NT5C2: variants seen among roughly 807,000 people sequenced by gnomAD.
The protein encoded by NT5C2 is 5'-nucleotidase, cytosolic II.
A neutral mutation model predicts 76.1 loss-of-function variants in NT5C2; 58 were observed. That is an observed-to-expected ratio of 0.76 (90% CI 0.62 to 0.95). The LOEUF (loss-of-function observed/expected upper bound fraction) is 0.95. Among genes scored for constraint, NT5C2 ranks in the 40% least tolerant of loss-of-function variants. The probability of loss-of-function intolerance (pLI) is 0.00; values close to 1 mark genes in which losing one functional copy is unlikely to be tolerated. For missense variants in NT5C2, 478 were observed against 690.3 expected (o/e 0.69, Z 3.45); for synonymous variants, 229 against 237.4 (o/e 0.96, Z 0.32).
At position 103,089,802 on chromosome 10, in the gene NT5C2, T is replaced by C; in HGVS notation, c.1556A>G (p.Tyr519Cys). The change falls in exon 19 of 19, where the codon TAC (tyrosine) becomes TGC (cysteine). Residue 519 changes from tyrosine to cysteine, a missense_variant. Coordinates refer to ENST00000404739, the MANE Select transcript of NT5C2 (RefSeq NM_001351169.2). Reference sequence around the variant, plus strand: ...TGACCGTGTCAGCTGGTGCCGCTTGTAGTCAGTGTCTTTGAAATCCACTGA... The same window carrying C: ...TGACCGTGTCAGCTGGTGCCGCTTGCAGTCAGTGTCTTTGAAATCCACTGA... ...RTSVDFKDTDYKRHQLTRSIS... is the reference protein window; with the variant it reads ...RTSVDFKDTDCKRHQLTRSIS... 1.2e-6 allele frequency: 2 copies of C among 1,614,110 alleles called. No individual in the cohort carries two copies. The highest frequency in any genetic ancestry group is 1.7e-6 in the Non-Finnish European group (2 of 1,179,998).
In NT5C2 at chr10:103,110,488, G is replaced by A. The variant is rs116074967; in HGVS notation, c.176-3782C>T. 1.1e-3 allele frequency among the ~76,000 whole-genome samples: 170 copies of A among 152,184 alleles called. 1 individual carries two copies. The highest frequency in any genetic ancestry group is 3.8e-3 in the African/African-American group (156 of 41,536). On this transcript the variant is annotated intron_variant, in intron 4 of 18. Transcript: ENST00000404739. The stretch of plus-strand genomic sequence containing the variant: ...AAACAAACAAAAGCTCTTTGTGATA[G>A]GGTATATATACTACCACTGCAAAAA...
chr10:103,089,522 TATG>T lies in NT5C2; in HGVS notation c.*147_*149del. The T allele has an allele frequency of 7.3e-7, 1 of 1,364,064 alleles. No individual in the cohort carries two copies. Among genetic ancestry groups the T allele is most frequent in the Non-Finnish European group, 9.7e-7 (1 of 1,035,426 alleles). 84.5% of individuals were successfully genotyped at this position (1,364,064 alleles called of 1,614,324 possible). ...GATACACAAAACCAAAACAAGTATC[TATG>T]ATAATAAAATCTTCAGAAACTTTTC... is the stretch of plus-strand genomic sequence containing the variant. On this transcript the variant is annotated 3_prime_UTR_variant, in exon 19 of 19. Coordinates refer to ENST00000404739, the MANE Select transcript of NT5C2 (RefSeq NM_001351169.2).
At chr10:103,183,869 C>G (rs954636366) in intron 1 of NT5C2, among the ~76,000 whole-genome samples, 2 of 151,622 alleles carry the variant, frequency 1.3e-5, no homozygotes, top group Non-Finnish European at 2.9e-5. Context: ...CAGAAGGCTC[C>G]TTGAAACTGT....
At chr10:103,185,057 A>G (rs1288435009) in intron 1 of NT5C2, among the ~76,000 whole-genome samples, 1 of 152,246 alleles carries the variant, frequency 6.6e-6, no homozygotes, top group Non-Finnish European at 1.5e-5. Context: ...CTATCCTGCC[A>G]TATCACATAG....
chr10:103,176,321 G>GTAAAAT (rs2089930595), intron 2 of NT5C2, among the ~76,000 whole-genome samples: 1 of 152,150 alleles, frequency 6.6e-6, no homozygotes. Flanking sequence ...GGTCACTGAT[G>GTAAAAT]TAAAATGCTC....
intron 3 of NT5C2, among the ~76,000 whole-genome samples, chr10:103,152,018 T>C (rs1022723020): frequency 2.0e-5 from 3 of 152,172 alleles, no homozygotes; most frequent in African/African-American, 7.2e-5. Context: ...TAACATATAC[T>C]TTACCATAGG....
chr10:103,174,808 A>C, intron 3 of NT5C2, 50 bp downstream of exon 3: 1 of 1,139,280 alleles, frequency 8.8e-7, no homozygotes, highest in Non-Finnish European at 1.3e-6. Context: ...TGTAAAATGA[A>C]GTCCCACTTC....
chr10:103,130,581 A>AT lies in NT5C2; in HGVS notation c.175+8824dup, dbSNP rs990158176. On this transcript the variant is annotated intron_variant, in intron 4 of 18. Transcript: ENST00000404739. ...AAATAAATTTAAAAAAAAAATAAAA[A>AT]TTAAAAAAAAAAAAAAGAAAAATTA... 3.7e-3 allele frequency among the ~76,000 whole-genome samples: 220 copies of AT among 59,030 alleles called. 6 individuals carry two copies. The highest frequency in any genetic ancestry group is 1.5e-3 in the Non-Finnish European group (44 of 29,330). The allele number at this position is 59,030 out of a possible 152,430, so 38.7% of individuals were successfully genotyped here. A position where few individuals can be genotyped will look rare whatever the true frequency, so the allele number is the denominator to read the frequency against.
chr10:103,149,032 T>C (rs535664262), intron 3 of NT5C2, among the ~76,000 whole-genome samples: 5 of 152,292 alleles, frequency 3.3e-5, no homozygotes, highest in African/African-American at 7.2e-5. Flanking sequence ...TGTACATCTA[T>C]TTCCCATTTT....
At chr10:103,129,786 C>T (rs1284909517) in intron 4 of NT5C2, among the ~76,000 whole-genome samples, 13 of 95,086 alleles carry the variant, frequency 1.4e-4, no homozygotes, top group East Asian at 3.6e-4. Flanking sequence ...CCAGCCGCCC[C>T]GTCCGGGAGG....
intron 4 of NT5C2, among the ~76,000 whole-genome samples, chr10:103,115,104 T>C (rs965124920): frequency 6.6e-6 from 1 of 152,134 alleles, no homozygotes; most frequent in African/African-American, 2.4e-5. Context: ...TTTAGTCATG[T>C]TGAAAATAGC....
rs183716338 is a variant in NT5C2, at chr10:103,171,003, T to C, written c.101+3855A>G. On this transcript the variant is annotated intron_variant, in intron 3 of 18. Transcript: ENST00000404739. ...ATAACATAATCTTTTCCAAATGTTA[T>C]GTTTTATTACATAGACACACATAAA... is the stretch of plus-strand genomic sequence containing the variant. 1.2e-3 allele frequency among the ~76,000 whole-genome samples: 184 copies of C among 152,332 alleles called. 1 individual carries two copies. Among genetic ancestry groups the C allele is most frequent in the Non-Finnish European group, 1.8e-3 (124 of 68,038 alleles).
chr10:103,131,843 G>A (rs2078227662), intron 4 of NT5C2, among the ~76,000 whole-genome samples: 1 of 152,108 alleles, frequency 6.6e-6, no homozygotes, highest in Non-Finnish European at 1.5e-5. Context: ...GATCACCTAA[G>A]TCTGGGAGGT....
intron 7 of NT5C2, 56 bp downstream of exon 7, chr10:103,101,179 G>C: frequency 1.4e-6 from 2 of 1,407,340 alleles, no homozygotes; most frequent in Admixed American, 3.4e-5. Flanking sequence ...CTTGAATACA[G>C]ACTAATGGTC....
At chr10:103,144,901 C>G (rs1364738099) in intron 3 of NT5C2, among the ~76,000 whole-genome samples, 1 of 152,206 alleles carries the variant, frequency 6.6e-6, no homozygotes, top group African/African-American at 2.4e-5. Flanking sequence ...GCTCTAACCA[C>G]AAAAGCAATT....
intron 4 of NT5C2, among the ~76,000 whole-genome samples, chr10:103,111,536 G>A (rs762400537): frequency 1.3e-5 from 2 of 152,180 alleles, no homozygotes; most frequent in Non-Finnish European, 2.9e-5. Context: ...AGTAGATGCT[G>A]TTCATACAAG....
At chr10:103,146,699 T>C (rs2081536532) in intron 3 of NT5C2, among the ~76,000 whole-genome samples, 1 of 152,212 alleles carries the variant, frequency 6.6e-6, no homozygotes, top group Non-Finnish European at 1.5e-5. Flanking sequence ...TTTCCTCTTC[T>C]TCAAATCCAC....
intron 11 of NT5C2, among the ~76,000 whole-genome samples, chr10:103,096,419 C>T (rs571521346): frequency 6.6e-6 from 1 of 152,088 alleles, no homozygotes; most frequent in Non-Finnish European, 1.5e-5. Flanking sequence ...ACATGTACAG[C>T]GAATTGGGGG....
chr10:103,149,163 A>C (rs190301965), intron 3 of NT5C2, among the ~76,000 whole-genome samples: 3 of 152,200 alleles, frequency 2.0e-5, no homozygotes, highest in African/African-American at 4.8e-5. Flanking sequence ...GACCGAAAGA[A>C]GCGAAAGCAA....
Sources: allele counts gnomAD v4.1 joint callset (sites outside exome capture counted in the v4.1 genomes callset), GRCh38; gene constraint gnomAD v4.1.1; transcripts MANE v1.5; gene names NCBI Gene and HGNC (gene_info 2026-07-23, HGNC 2026-07-21).